Variants in HYOU1 observed in about 807,000 individuals in gnomAD.
HYOU1 encodes the protein hypoxia up-regulated protein 1.
HYOU1 carries 40 observed loss-of-function variants against 120.5 expected under a neutral mutation model. The ratio of observed to expected loss-of-function variants is 0.33; its 90% CI spans 0.26 to 0.43. The LOEUF (loss-of-function observed/expected upper bound fraction) is 0.43, where lower values mean the gene tolerates loss of function less well. Among genes scored for constraint, HYOU1 ranks in the 20% least tolerant of loss-of-function variants. The pLI is 1.00. For missense variants in HYOU1, 1,085 were observed against 1,278.3 expected (o/e 0.85, Z 2.31); for synonymous variants, 501 against 479.4 (o/e 1.05, Z -0.59).
In HYOU1 at chr11:119,051,703, G is replaced by A; in HGVS notation, c.1339-78C>T. On this transcript the variant is annotated intron_variant, in intron 12 of 25. Coordinates refer to ENST00000617285, the MANE Select transcript of HYOU1 (RefSeq NM_006389.5). The surrounding 1 kb of genome is among the most constrained non-coding windows in gnomAD (Gnocchi z 4.2). ...GGTTCTGGGGTAAGGATGGGGGTGG[G>A]ATGGGGGAGACCTCTTAGCAGAAAG... 1.3e-6 allele frequency: 2 copies of A among 1,585,016 alleles called. No homozygotes were observed. Among genetic ancestry groups the A allele is most frequent in the Non-Finnish European group, 1.7e-6 (2 of 1,156,524 alleles).
Position 119,045,368 on chromosome 11 carries a change from G to C in HYOU1, c.*225C>G, listed in dbSNP as rs1337997738. The stretch of plus-strand genomic sequence containing the variant: ...GGCCTATATGGGTAGGGAACAGGGA[G>C]TGGGGCTGGGGAGGAGAACAGTTTC... On this transcript the variant is annotated 3_prime_UTR_variant, in exon 26 of 26. Coordinates refer to ENST00000617285, the MANE Select transcript of HYOU1 (RefSeq NM_006389.5). 7.3e-6 allele frequency: 5 copies of C among 683,600 alleles called. No individual in the cohort carries two copies. The highest frequency in any genetic ancestry group is 1.1e-5 in the Non-Finnish European group (4 of 374,140). 42.3% of individuals were successfully genotyped at this position (683,600 alleles called of 1,614,324 possible). A position where few individuals can be genotyped will look rare whatever the true frequency, so the allele number is the denominator to read the frequency against.
In HYOU1 at chr11:119,051,714, C is replaced by T. The variant is rs1944452175; in HGVS notation, c.1339-89G>A. On this transcript the variant is annotated intron_variant, in intron 12 of 25. Transcript: ENST00000617285. The surrounding 1 kb of genome is among the most constrained non-coding windows in gnomAD (Gnocchi z 4.2). ...AAGGATGGGGGTGGGATGGGGGAGA[C>T]CTCTTAGCAGAAAGACAAAGGGATG... The T allele has an allele frequency of 1.3e-6, 2 of 1,594,712 alleles. No homozygotes were observed. The highest frequency in any genetic ancestry group is 1.7e-6 in the Non-Finnish European group (2 of 1,165,688).
Position 119,048,385 on chromosome 11 carries a change from A to G in HYOU1, c.2254-15T>C, listed in dbSNP as rs1944212321. The G allele has an allele frequency of 6.2e-7, 1 of 1,609,884 alleles. No homozygotes were observed. Among genetic ancestry groups the G allele is most frequent in the Non-Finnish European group, 8.5e-7 (1 of 1,179,734 alleles). ...TACAGCTTGTCCTGGGGAGGGGGAC[A>G]TGTAAACACATGCACCCACAAGCCC... On this transcript the variant is annotated splice_polypyrimidine_tract_variant and intron_variant, in intron 19 of 25. Coordinates refer to ENST00000617285, the MANE Select transcript of HYOU1 (RefSeq NM_006389.5). This position sits in a 1 kb window ranked among gnomAD's most constrained non-coding sequence, Gnocchi z 4.7.
chr11:119,047,509 C>T (rs894146932), intron 22 of HYOU1: 2 of 512,762 alleles, frequency 3.9e-6, no homozygotes, highest in Non-Finnish European at 7.0e-6. Context: ...GCAGCTTTCT[C>T]TGTCCTCATG....
rs2133582074 is a variant in HYOU1, at chr11:119,051,028, C to T, written c.1665+7G>A. The T allele has an allele frequency of 1.9e-6, 3 of 1,614,152 alleles. No homozygotes were observed. The highest frequency in any genetic ancestry group is 2.2e-5 in the South Asian group (2 of 91,082). On this transcript the variant is annotated splice_region_variant and intron_variant, in intron 14 of 25. Transcript: ENST00000617285. The surrounding 1 kb of genome is among the most constrained non-coding windows in gnomAD (Gnocchi z 4.2). ...GCTCTGCACACAGGGTATCCTTTAG[C>T]TCTCACCCTGTCTAGACTGAGCACG... is the stretch of plus-strand genomic sequence containing the variant.
Position 119,052,894 on chromosome 11 carries a change from G to T in HYOU1, c.795-65C>A. On this transcript the variant is annotated intron_variant, in intron 8 of 25. Coordinates refer to ENST00000617285, the MANE Select transcript of HYOU1 (RefSeq NM_006389.5). The surrounding 1 kb of genome is among the most constrained non-coding windows in gnomAD (Gnocchi z 5.0). The stretch of plus-strand genomic sequence containing the variant: ...ATGGAGTCCCCGCATCTGCACAGGA[G>T]CCTCTCATCCCCACATGGCACCTTT... 7.0e-7 allele frequency: 1 copy of T among 1,438,768 alleles called. No homozygotes were observed. The highest frequency in any genetic ancestry group is 9.4e-7 in the Non-Finnish European group (1 of 1,061,524). The allele number at this position is 1,438,768 out of a possible 1,614,324, so 89.1% of individuals were successfully genotyped here.
chr11:119,044,816 G>C lies in HYOU1; in HGVS notation c.*777C>G, dbSNP rs1250069541. On this transcript the variant is annotated 3_prime_UTR_variant, in exon 26 of 26. Coordinates refer to ENST00000617285, the MANE Select transcript of HYOU1 (RefSeq NM_006389.5). The stretch of plus-strand genomic sequence containing the variant: ...CAGATTATGACAGAGCTTGCACGAT[G>C]CTGGCACCCCATGCCAACCACTCTA... 1.6e-5 allele frequency: 4 copies of C among 252,720 alleles called. No homozygotes were observed. Among genetic ancestry groups the C allele is most frequent in the African/African-American group, 8.8e-5 (4 of 45,554 alleles). 15.7% of individuals were successfully genotyped at this position (252,720 alleles called of 1,614,324 possible).
intron 15 of HYOU1, 24 bp downstream of exon 15, chr11:119,049,753 T>A (rs1482313360): frequency 6.2e-7 from 1 of 1,612,436 alleles, no homozygotes; most frequent in Non-Finnish European, 8.5e-7. Context: ...TTCTCTCCCA[T>A]ACACACATGC....
chr11:119,046,567 G>A lies in HYOU1; in HGVS notation c.2831C>T (p.Pro944Leu), dbSNP rs2133550968. 2 of 1,613,816 alleles carry A rather than the reference G, an allele frequency of 1.2e-6. No homozygotes were observed. The highest frequency in any genetic ancestry group is 1.7e-5 in the Admixed American group (1 of 60,002). Residue 944 changes from proline to leucine, a missense_variant, in exon 23 of 26, where the codon CCA (proline) becomes CTA (leucine). This residue lies in a region of HYOU1 where 516 missense variants were observed against 517.1 expected (regional missense o/e 1.00). Transcript: ENST00000617285. ...ASDQGEKVIPPAGQTEDAEPI... is the reference protein window; with the variant it reads ...ASDQGEKVIPLAGQTEDAEPI... ...GCCAGGTACCCTGTTCTCACCTGCTGGAGGGATGACCTTCTCCCCCTGGTC... is the reference window on the plus strand; with the variant it reads ...GCCAGGTACCCTGTTCTCACCTGCTAGAGGGATGACCTTCTCCCCCTGGTC...
Position 119,051,257 on chromosome 11 carries a change from T to C in HYOU1, c.1527-84A>G. ...GACTACATGGCCTCCTGGCACAAGG[T>C]GTCAGGGGCACTCCCCAAGGGCACA... is the stretch of plus-strand genomic sequence containing the variant. On this transcript the variant is annotated intron_variant, in intron 13 of 25. Coordinates refer to ENST00000617285, the MANE Select transcript of HYOU1 (RefSeq NM_006389.5). This position sits in a 1 kb window ranked among gnomAD's most constrained non-coding sequence, Gnocchi z 4.2. The C allele has an allele frequency of 6.4e-7, 1 of 1,573,146 alleles. No individual in the cohort carries two copies. The highest frequency in any genetic ancestry group is 8.7e-7 in the Non-Finnish European group (1 of 1,152,064).
Position 119,051,907 on chromosome 11 carries a change from A to G in HYOU1, c.1250T>C (p.Met417Thr). Residue 417 changes from methionine to threonine, a missense_variant, in exon 12 of 26, where the codon ATG (methionine) becomes ACG (threonine). By Grantham distance (81) the Met-to-Thr change is moderately conservative (BLOSUM62 -1). Around this residue, in one of 4 missense-constraint regions of HYOU1, gnomAD observed 515 missense variants for 677.8 expected, o/e 0.76. Transcript: ENST00000617285. The surrounding 1 kb of genome is among the most constrained non-coding windows in gnomAD (Gnocchi z 4.2). ...CGCAGCTGCCTGGTACACTGCCCCC[A>G]TGGCGGCTGCTTCATCTGCATTGAT... ...KNINADEAAA[M>T]GAVYQAAALS... The G allele has an allele frequency of 1.2e-6, 2 of 1,614,150 alleles. No individual in the cohort carries two copies. Among genetic ancestry groups the G allele is most frequent in the Non-Finnish European group, 8.5e-7 (1 of 1,180,016 alleles).
chr11:119,045,423 G>A lies in HYOU1; in HGVS notation c.*170C>T, dbSNP rs77766253. ...TTTAACCACAGAGGTACTGCAGAAG[G>A]AACCAGTGAGCTGTCCCTCCCTTCC... On this transcript the variant is annotated 3_prime_UTR_variant, in exon 26 of 26. Transcript: ENST00000617285. 5,143 of 732,654 alleles carry A rather than the reference G, an allele frequency of 7.0e-3. 181 individuals are homozygous for A. In the African/African-American group the frequency reaches 0.073, roughly 10 times the overall value. 45.4% of individuals were successfully genotyped at this position (732,654 alleles called of 1,614,324 possible).
At position 119,055,813 on chromosome 11, in the gene HYOU1, C is replaced by T; in HGVS notation, c.122G>A (p.Gly41Asp). 6.2e-7 allele frequency: 1 copy of T among 1,614,116 alleles called. No homozygotes were observed. Among genetic ancestry groups the T allele is most frequent in the East Asian group, 2.2e-5 (1 of 44,886 alleles). Reference sequence around the variant, plus strand: ...AATGGCCACCTTCATGGACTCACTGCCCAGGTCCACAGACATCACTGCCAG... The same window carrying T: ...AATGGCCACCTTCATGGACTCACTGTCCAGGTCCACAGACATCACTGCCAG... ...DTLAVMSVDLGSESMKVAIVK... is the reference protein window; with the variant it reads ...DTLAVMSVDLDSESMKVAIVK... The change falls in exon 3 of 26, where the codon GGC becomes GAC. Residue 41 changes from glycine (G) to aspartate (D), a missense_variant. By Grantham distance (94) the Gly-to-Asp change is moderately conservative. Transcript: ENST00000617285. The surrounding 1 kb of genome is among the most constrained non-coding windows in gnomAD (Gnocchi z 4.0).
intron 1 of HYOU1, 186 bp from the exon 2 acceptor site, chr11:119,056,353 GC>G: frequency 1.5e-6 from 1 of 675,136 alleles, no homozygotes; most frequent in Non-Finnish European, 2.7e-6. Context: ...TCCCAGCAGC[GC>G]CCACACAAAG....
At position 119,048,816 on chromosome 11, in the gene HYOU1, T is replaced by C. The variant is rs199521624; in HGVS notation, c.2063A>G (p.Lys688Arg). 60 of 1,614,124 alleles carry C rather than the reference T, an allele frequency of 3.7e-5. No individual in the cohort carries two copies. The African/African-American group carries it at 6.7e-4, about 18-fold the overall frequency. ...APAPEGEKKQ[K>R]PARKRRMVEE... ...TACCATTCGCCGCTTCCTGGCGGGC[T>C]TCTGCTTCTTCTCTCCCTCTGGGGC... Residue 688 changes from lysine to arginine, a missense_variant, in exon 18 of 26, where the codon AAG (lysine) becomes AGG (arginine). Transcript: ENST00000617285. The surrounding 1 kb of genome is among the most constrained non-coding windows in gnomAD (Gnocchi z 4.7).
Position 119,051,601 on chromosome 11 carries a change from C to G in HYOU1, c.1363G>C (p.Glu455Gln). ...TTCAGGCTGTGAATCCCAGGCTCCTCCTCCACCTCCCTCGTGAACTCCACC... is the reference window on the plus strand; with the variant it reads ...TTCAGGCTGTGAATCCCAGGCTCCTGCTCCACCTCCCTCGTGAACTCCACC... ...ILVEFTREVE[E>Q]EPGIHSLKHN... The change falls in exon 13 of 26, where the codon GAG becomes CAG. Residue 455 changes from glutamate (E) to glutamine (Q), a missense_variant. Around this residue, in one of 4 missense-constraint regions of HYOU1, gnomAD observed 515 missense variants for 677.8 expected, o/e 0.76. Coordinates refer to ENST00000617285, the MANE Select transcript of HYOU1 (RefSeq NM_006389.5). The surrounding 1 kb of genome is among the most constrained non-coding windows in gnomAD (Gnocchi z 4.2). 1 of 1,614,086 alleles carries G rather than the reference C, an allele frequency of 6.2e-7. No homozygotes were observed. Among genetic ancestry groups the G allele is most frequent in the African/African-American group, 1.3e-5 (1 of 75,022 alleles).
Position 119,051,106 on chromosome 11 carries a change from G to C in HYOU1, c.1594C>G (p.Pro532Ala), listed in dbSNP as rs782108280. 6.2e-7 allele frequency: 1 copy of C among 1,614,078 alleles called. No individual in the cohort carries two copies. The highest frequency in any genetic ancestry group is 1.3e-5 in the African/African-American group (1 of 74,936). Residue 532 changes from proline to alanine, a missense_variant, in exon 14 of 26, where the codon CCT becomes GCT. Pro to Ala is a conservative substitution (Grantham distance 27, BLOSUM62 -1). Around this residue, in one of 4 missense-constraint regions of HYOU1, gnomAD observed 515 missense variants for 677.8 expected, o/e 0.76. Coordinates refer to ENST00000617285, the MANE Select transcript of HYOU1 (RefSeq NM_006389.5). This position sits in a 1 kb window ranked among gnomAD's most constrained non-coding sequence, Gnocchi z 4.2. ...TTGATGCCCTTGGACTCGTAGTCAGGATACTTCTTGAAGCTGTCACCCACC... is the reference window on the plus strand; with the variant it reads ...TTGATGCCCTTGGACTCGTAGTCAGCATACTTCTTGAAGCTGTCACCCACC... ...KGVGDSFKKY[P>A]DYESKGIKAH...
Position 119,052,838 on chromosome 11 carries a change from A to T in HYOU1, c.795-9T>A. On this transcript the variant is annotated splice_polypyrimidine_tract_variant and intron_variant, in intron 8 of 25. Transcript: ENST00000617285. This position sits in a 1 kb window ranked among gnomAD's most constrained non-coding sequence, Gnocchi z 5.0. ...CCAGGGTACGGTCAAATCTGTTGAG[A>T]AAAGGGAGCAGGGAAAAAAGTGAAG... 6.2e-7 allele frequency: 1 copy of T among 1,607,508 alleles called. No homozygotes were observed. The highest frequency in any genetic ancestry group is 1.3e-5 in the African/African-American group (1 of 74,716).
In HYOU1 at chr11:119,046,642, T is replaced by G; in HGVS notation, c.2756A>C (p.Lys919Thr). The G allele has an allele frequency of 6.2e-7, 1 of 1,614,222 alleles. No individual in the cohort carries two copies. Residue 919 changes from lysine (K) to threonine (T), a missense_variant, in exon 23 of 26, where the codon AAG becomes ACG. Transcript: ENST00000617285. ...AKFTKPRPRP[K>T]DKNGTRAEPP... ...CTCTGCCCGGGTCCCATTCTTGTCC[T>G]TAGGCCGGGGCCGGGGCTTGGTAAA...
Sources: allele counts gnomAD v4.1 joint callset, GRCh38; gene constraint gnomAD v4.1.1; regional missense constraint gnomAD v4.1.1; non-coding constraint Gnocchi (gnomAD v3.1); transcripts MANE v1.5; gene names NCBI Gene and HGNC (gene_info 2026-07-23, HGNC 2026-07-21).